Variants in ADAM32 observed in about 807,000 individuals in gnomAD.
ADAM32 encodes the protein disintegrin and metalloproteinase domain-containing protein 32.
ADAM32 carries 89 observed loss-of-function variants against 114.9 expected under a neutral mutation model. The ratio of observed to expected loss-of-function variants is 0.77; its 90% CI spans 0.65 to 0.92. ADAM32 has a LOEUF of 0.92. ADAM32 is among the 40% of genes least tolerant of loss of function. The pLI is 0.00. For synonymous variants in ADAM32, 285 were observed against 307.5 expected (o/e 0.93, Z 0.77); for missense variants, 870 against 932.8 (o/e 0.93, Z 0.88).
At position 39,114,388 on chromosome 8, in the gene ADAM32, G is replaced by A. The variant is rs139944474; in HGVS notation, c.59-3698G>A. On this transcript the variant is annotated intron_variant, in intron 1 of 24. Coordinates refer to ENST00000379907, the MANE Select transcript of ADAM32 (RefSeq NM_145004.7). Reference sequence around the variant, plus strand: ...TCACTCCTTAATGAAAAGGCTGCAAGCCTCTGAACTGGGTCAGGTGTAGGA... The same window carrying A: ...TCACTCCTTAATGAAAAGGCTGCAAACCTCTGAACTGGGTCAGGTGTAGGA... Among the ~76,000 whole-genome samples, 304 of 152,354 alleles carry A rather than the reference G, an allele frequency of 2.0e-3. 1 individual carries two copies. Among genetic ancestry groups the A allele is most frequent in the African/African-American group, 7.1e-3 (297 of 41,580 alleles).
intron 24 of ADAM32, 31 bp from the exon 25 acceptor site, chr8:39,284,762 T>C (rs535629964): frequency 6.2e-7 from 1 of 1,613,514 alleles, no homozygotes; most frequent in East Asian, 2.2e-5. Context: ...GTCAGTACTT[T>C]GAGCACGTGT....
chr8:39,283,852 C>T (rs887622983), intron 24 of ADAM32, among the ~76,000 whole-genome samples: 19 of 149,608 alleles, frequency 1.3e-4, no homozygotes, highest in African/African-American at 4.7e-4. Flanking sequence ...CAGCTCACTG[C>T]AACCTCAGCC....
intron 10 of ADAM32, among the ~76,000 whole-genome samples, chr8:39,172,124 A>G (rs73676812): frequency 0.086 from 13,005 of 152,074 alleles, 1,875 homozygotes; most frequent in African/African-American, 0.3. Flanking sequence ...AGGACATTTT[A>G]GGCATCAGAA....
At chr8:39,162,453 T>C (rs1804574923) in intron 7 of ADAM32, among the ~76,000 whole-genome samples, 1 of 152,082 alleles carries the variant, frequency 6.6e-6, no homozygotes. Flanking sequence ...CTATTGTGAA[T>C]AGTGCTGCAA....
At chr8:39,260,890 T>A (rs918906446) in intron 19 of ADAM32, among the ~76,000 whole-genome samples, 1 of 152,094 alleles carries the variant, frequency 6.6e-6, no homozygotes, top group Non-Finnish European at 1.5e-5. Context: ...TTTTTTTCTT[T>A]GTTGGGAGAT....
In ADAM32 at chr8:39,210,491, G is replaced by A. The variant is rs1012772213; in HGVS notation, c.1053-653G>A. ...GATGATCACTGGAGGGTTCTATCCCGTGCTCTTACTCTGCCTCCTCTTCCA... is the reference window on the plus strand; with the variant it reads ...GATGATCACTGGAGGGTTCTATCCCATGCTCTTACTCTGCCTCCTCTTCCA... On this transcript the variant is annotated intron_variant, in intron 11 of 24. Coordinates refer to ENST00000379907, the MANE Select transcript of ADAM32 (RefSeq NM_145004.7). Among the ~76,000 whole-genome samples, 6 of 152,170 alleles carry A rather than the reference G, an allele frequency of 3.9e-5. No homozygotes were observed. In the East Asian group the frequency reaches 9.7e-4, roughly 25 times the overall value.
chr8:39,206,193 T>A (rs1807822179), intron 11 of ADAM32, among the ~76,000 whole-genome samples: 1 of 152,138 alleles, frequency 6.6e-6, no homozygotes, highest in South Asian at 2.1e-4. Flanking sequence ...TTGGTCTGTG[T>A]TTGTTAGTGG....
intron 3 of ADAM32, among the ~76,000 whole-genome samples, chr8:39,141,155 T>G (rs961437149): frequency 2.0e-5 from 3 of 152,202 alleles, no homozygotes; most frequent in Non-Finnish European, 2.9e-5. Context: ...CTGGATTCAT[T>G]AATTTTTTGA....
chr8:39,161,538 G>T (rs550642512), intron 7 of ADAM32, among the ~76,000 whole-genome samples: 54 of 152,292 alleles, frequency 3.5e-4, no homozygotes, highest in African/African-American at 1.2e-3. Flanking sequence ...AACTTAGTTT[G>T]CAGTCAACTA....
intron 2 of ADAM32, among the ~76,000 whole-genome samples, chr8:39,135,015 C>T (rs1376520008): frequency 2.6e-5 from 4 of 152,138 alleles, no homozygotes; most frequent in Admixed American, 1.3e-4. Flanking sequence ...ATTAGCCAGG[C>T]GTGGTGGCGC....
At chr8:39,249,430 C>T (rs1482714150) in intron 17 of ADAM32, among the ~76,000 whole-genome samples, 2 of 152,060 alleles carry the variant, frequency 1.3e-5, no homozygotes, top group Non-Finnish European at 2.9e-5. Flanking sequence ...ATCTTTGCAT[C>T]GACAGACATT....
rs751121452 is a variant in ADAM32, at chr8:39,233,990, G to C, written c.1726G>C (p.Asp576His). The change falls in exon 16 of 25, where the codon GAT (aspartate) becomes CAT (histidine). Residue 576 changes from aspartate to histidine, a missense_variant. Transcript: ENST00000379907. ...NGDVIYAFVR[D>H]SVCITVDYKL... is the part of the protein sequence containing the mutation. ...TGATGTGATTTATGCTTTCGTACGA[G>C]ATTCTGTATGCATAACTGTAGACTA... 2.5e-6 allele frequency: 4 copies of C among 1,574,584 alleles called. No individual in the cohort carries two copies. The highest frequency in any genetic ancestry group is 3.5e-6 in the Non-Finnish European group (4 of 1,158,086).
chr8:39,187,503 C>T (rs1806323679), intron 11 of ADAM32, among the ~76,000 whole-genome samples: 1 of 152,050 alleles, frequency 6.6e-6, no homozygotes, highest in Admixed American at 6.6e-5. Context: ...GATCTCCTGA[C>T]CTCATGATCC....
chr8:39,159,797 T>C (rs1042550492), intron 6 of ADAM32, among the ~76,000 whole-genome samples: 1 of 152,156 alleles, frequency 6.6e-6, no homozygotes, highest in Admixed American at 6.5e-5. Flanking sequence ...CATAATTCTT[T>C]GAGAACAAAT....
chr8:39,277,937 G>C (rs1230966481), intron 22 of ADAM32, among the ~76,000 whole-genome samples: 1 of 152,200 alleles, frequency 6.6e-6, no homozygotes. Flanking sequence ...GAGGGCGAAG[G>C]GACAGTGTGA....
At chr8:39,108,342 G>T (rs905622763) in intron 1 of ADAM32, 1 of 152,154 alleles carries the variant, frequency 6.6e-6, no homozygotes, top group Non-Finnish European at 1.5e-5. Flanking sequence ...GCCCAGGCTG[G>T]AGTGCAGTGG....
At chr8:39,141,606 C>T (rs1359923058) in intron 3 of ADAM32, among the ~76,000 whole-genome samples, 1 of 152,090 alleles carries the variant, frequency 6.6e-6, no homozygotes, top group Non-Finnish European at 1.5e-5. Context: ...TGTTTTACTA[C>T]CAATGATGTG....
intron 12 of ADAM32, among the ~76,000 whole-genome samples, chr8:39,214,531 G>A (rs1216315249): frequency 1.3e-5 from 2 of 152,008 alleles, no homozygotes; most frequent in East Asian, 1.9e-4. Flanking sequence ...CTTTAAATCA[G>A]ATTATTAGAT....
At chr8:39,283,393 A>G (rs901666542) in intron 23 of ADAM32, among the ~76,000 whole-genome samples, 193 bp from the exon 24 acceptor site, 2 of 149,642 alleles carry the variant, frequency 1.3e-5, no homozygotes, top group East Asian at 3.9e-4. Flanking sequence ...CCTGAGTGGC[A>G]AAGTGAAACT....
Sources: allele counts gnomAD v4.1 joint callset (sites outside exome capture counted in the v4.1 genomes callset), GRCh38; gene constraint gnomAD v4.1.1; transcripts MANE v1.5; gene names NCBI Gene and HGNC (gene_info 2026-07-23, HGNC 2026-07-21).